The following ADGB variants were observed in gnomAD, a reference collection of about 807,000 sequenced individuals.
The protein encoded by ADGB is calpain-7-like protein.
ADGB carries 172 observed loss-of-function variants against 210.5 expected under a neutral mutation model. That is an observed-to-expected ratio of 0.82 (90% CI 0.72 to 0.93). The LOEUF (loss-of-function observed/expected upper bound fraction) is 0.93. Among genes scored for constraint, ADGB ranks in the 40% least tolerant of loss-of-function variants. The pLI, the probability that ADGB is intolerant of heterozygous loss-of-function variation, is 0.00. For missense variants in ADGB, 2,025 were observed against 1,964.8 expected (o/e 1.03, Z -0.58); for synonymous variants, 658 against 662.7 (o/e 0.99, Z 0.11).
In ADGB at chr6:146,609,291, A is replaced by G. The variant is rs554001878; in HGVS notation, c.74+10177A>G. 5.9e-5 allele frequency among the ~76,000 whole-genome samples: 9 copies of G among 152,322 alleles called. No homozygotes were observed. In the South Asian group the frequency reaches 1.9e-3, roughly 32 times the overall value. ...CATGTGATATGGGTCTCCTGAAGAT[A>G]GCATGAGACTATCTTGAGTCTTGCT... is the stretch of plus-strand genomic sequence containing the variant. On this transcript the variant is annotated intron_variant, in intron 1 of 35. Coordinates refer to ENST00000397944, the MANE Select transcript of ADGB (RefSeq NM_024694.4).
At chr6:146,733,044 T>C (rs1295411413) in intron 20 of ADGB, 76 bp from the exon 21 acceptor site, 1 of 1,073,794 alleles carries the variant, frequency 9.3e-7, no homozygotes, top group African/African-American at 1.7e-5. Context: ...ATTTTTAGAG[T>C]ATCTAAAAAT....
At position 146,748,451 on chromosome 6, in the gene ADGB, G is replaced by A. The variant is rs545112195; in HGVS notation, c.3365+2342G>A. Among the ~76,000 whole-genome samples the A allele has an allele frequency of 3.9e-5, 6 of 152,290 alleles. No individual in the cohort carries two copies. The South Asian group carries it at 1.0e-3, about 26-fold the overall frequency. On this transcript the variant is annotated intron_variant, in intron 26 of 35. Coordinates refer to ENST00000397944, the MANE Select transcript of ADGB (RefSeq NM_024694.4). Reference sequence around the variant, plus strand: ...GTTGGTTCCAACTGAGGCTGTGGGAGAGAACCTGTTTCGTGACTTTCTCCT... The same window carrying A: ...GTTGGTTCCAACTGAGGCTGTGGGAAAGAACCTGTTTCGTGACTTTCTCCT...
chr6:146,790,161 T>A (rs1777933729), intron 33 of ADGB, among the ~76,000 whole-genome samples: 1 of 152,190 alleles, frequency 6.6e-6, no homozygotes, highest in African/African-American at 2.4e-5. Flanking sequence ...ATTCATTACC[T>A]CAAATACTTA....
intron 1 of ADGB, among the ~76,000 whole-genome samples, chr6:146,631,540 A>T (rs573962616): frequency 6.6e-6 from 1 of 152,308 alleles, no homozygotes; most frequent in South Asian, 2.1e-4. Context: ...CAGAGTTTCA[A>T]TTAGGTATAT....
At chr6:146,691,744 T>C (rs375132753) in intron 11 of ADGB, among the ~76,000 whole-genome samples, 19 of 151,362 alleles carry the variant, frequency 1.3e-4, no homozygotes, top group African/African-American at 4.1e-4. Context: ...CTTGACCACA[T>C]ATATGAAGCT....
chr6:146,644,751 A>G, intron 2 of ADGB, 22 bp from the exon 3 acceptor site: 1 of 1,325,826 alleles, frequency 7.5e-7, no homozygotes, highest in Non-Finnish European at 1.0e-6. Flanking sequence ...ATGCAGAAAA[A>G]ACTCAATTTA....
intron 4 of ADGB, among the ~76,000 whole-genome samples, chr6:146,655,662 ATC>A (rs2114884147): frequency 6.6e-6 from 1 of 152,324 alleles, no homozygotes; most frequent in Admixed American, 6.5e-5. Flanking sequence ...GTATAAAATT[ATC>A]TCCAAATAAT....
intron 9 of ADGB, 33 bp downstream of exon 9, chr6:146,676,474 T>G: frequency 7.7e-7 from 1 of 1,296,660 alleles, no homozygotes; most frequent in Non-Finnish European, 1.0e-6. Flanking sequence ...TAATAACTAT[T>G]TTAGTTGTTT....
chr6:146,649,689 C>T lies in ADGB; in HGVS notation c.331-4446C>T, dbSNP rs545376053. On this transcript the variant is annotated intron_variant, in intron 3 of 35. Coordinates refer to ENST00000397944, the MANE Select transcript of ADGB (RefSeq NM_024694.4). ...TATTTTTTGTAGAGACAGAATTTTGCCATGTTTTCCAGGCTGGTCTCTTAG... is the reference window on the plus strand; with the variant it reads ...TATTTTTTGTAGAGACAGAATTTTGTCATGTTTTCCAGGCTGGTCTCTTAG... 5.9e-5 allele frequency among the ~76,000 whole-genome samples: 9 copies of T among 151,956 alleles called. No individual in the cohort carries two copies. The South Asian group carries it at 1.9e-3, about 32-fold the overall frequency.
At chr6:146,710,654 G>A (rs113405429) in intron 13 of ADGB, among the ~76,000 whole-genome samples, 24 of 150,102 alleles carry the variant, frequency 1.6e-4, no homozygotes, top group African/African-American at 5.6e-4. Context: ...ATTAATAGGT[G>A]ATTGAGGAGA....
At chr6:146,779,885 A>C (rs1222982606) in intron 29 of ADGB, among the ~76,000 whole-genome samples, 1 of 150,738 alleles carries the variant, frequency 6.6e-6, no homozygotes, top group Admixed American at 6.6e-5. Flanking sequence ...GACACTAGGC[A>C]GTAACTTGAA....
At chr6:146,619,338 T>C (rs1354191210) in intron 1 of ADGB, among the ~76,000 whole-genome samples, 1 of 152,098 alleles carries the variant, frequency 6.6e-6, no homozygotes, top group Non-Finnish European at 1.5e-5. Context: ...CTCTATTTTT[T>C]AATAGGATAA....
intron 35 of ADGB, among the ~76,000 whole-genome samples, chr6:146,810,731 C>A (rs1778290967): frequency 6.6e-6 from 1 of 152,080 alleles, no homozygotes; most frequent in South Asian, 2.1e-4. Flanking sequence ...ATCTCACTCA[C>A]ATGTGGAATT....
chr6:146,807,576 A>G, intron 35 of ADGB: 1 of 1,537,330 alleles, frequency 6.5e-7, no homozygotes, highest in South Asian at 1.2e-5. Flanking sequence ...AAAGAAAGGA[A>G]AGAAAAAGTA....
intron 28 of ADGB, among the ~76,000 whole-genome samples, chr6:146,768,778 C>T (rs1411328457): frequency 6.6e-6 from 1 of 152,026 alleles, no homozygotes; most frequent in Non-Finnish European, 1.5e-5. Flanking sequence ...ACTTTATACC[C>T]ACTGCACTCA....
At chr6:146,685,342 G>A (rs1776215951) in intron 9 of ADGB, among the ~76,000 whole-genome samples, 1 of 151,902 alleles carries the variant, frequency 6.6e-6, no homozygotes, top group African/African-American at 2.4e-5. Context: ...TGGACTTTCT[G>A]TAAGTTCAAC....
At chr6:146,637,514 A>G (rs553912067) in intron 2 of ADGB, among the ~76,000 whole-genome samples, 2 of 152,144 alleles carry the variant, frequency 1.3e-5, no homozygotes, top group South Asian at 4.1e-4. Flanking sequence ...TTTGGAGAGA[A>G]ATTTAGGAAC....
chr6:146,750,832 A>G (rs982410578), intron 26 of ADGB, among the ~76,000 whole-genome samples: 1 of 152,154 alleles, frequency 6.6e-6, no homozygotes, highest in Non-Finnish European at 1.5e-5. Context: ...TGTGATTCAC[A>G]GAAAATGCTA....
At chr6:146,643,091 G>C (rs908137154) in intron 2 of ADGB, among the ~76,000 whole-genome samples, 4 of 151,760 alleles carry the variant, frequency 2.6e-5, no homozygotes, top group Non-Finnish European at 5.9e-5. Context: ...AAAATGATGT[G>C]GGGAAACCCC....
Sources: gnomAD v4.1 joint callset for allele counts (sites outside exome capture counted in the v4.1 genomes callset) on GRCh38, gnomAD v4.1.1 for gene constraint, MANE v1.5 for transcripts, NCBI Gene and HGNC (gene_info 2026-07-23, HGNC 2026-07-21) for gene names.